AK7: variants seen among roughly 807,000 people sequenced by gnomAD.
AK7 encodes the protein ATP-AMP transphosphorylase 7.
A neutral mutation model predicts 96.6 loss-of-function variants in AK7; 78 were observed. That is an observed-to-expected ratio of 0.81 (90% CI 0.67 to 0.97). The LOEUF (loss-of-function observed/expected upper bound fraction) is 0.97. Ranked by LOEUF, AK7 falls within the 50% of genes least tolerant of loss-of-function variation. The pLI is 0.00. For synonymous variants in AK7, 302 were observed against 317.2 expected, an observed-to-expected ratio of 0.95 and a Z score of 0.51; for missense variants, 855 against 887.9, an observed-to-expected ratio of 0.96 and a Z score of 0.47.
At chr14:96,458,015 C>T in intron 11 of AK7, 68 bp from the exon 12 acceptor site, 1 of 1,576,266 alleles carries the variant, frequency 6.3e-7, no homozygotes, top group Middle Eastern at 2.4e-4. Context: ...GGATCACCTG[C>T]CAGCTGATTT....
chr14:96,432,845 A>AAG (rs1379109256), intron 5 of AK7, among the ~76,000 whole-genome samples: 4 of 143,436 alleles, frequency 2.8e-5, no homozygotes, highest in Non-Finnish European at 6.2e-5. Flanking sequence ...AAAAAAAAAA[A>AAG]TAGCCGGGCA....
intron 14 of AK7, among the ~76,000 whole-genome samples, chr14:96,474,396 C>T (rs934163356): frequency 6.7e-6 from 1 of 149,126 alleles, no homozygotes; most frequent in Non-Finnish European, 1.5e-5. Flanking sequence ...ATCTCTTGAG[C>T]TCAGGAGTTA....
In AK7 at chr14:96,486,955, A is replaced by C. The variant is rs539433185; in HGVS notation, c.2032A>C (p.Ile678Leu). 1.4e-5 allele frequency: 22 copies of C among 1,614,110 alleles called. 2 individuals carry two copies. The South Asian group carries it at 2.3e-4, about 17-fold the overall frequency. Residue 678 changes from isoleucine to leucine, a missense_variant, in exon 17 of 18, where the codon ATT (isoleucine) becomes CTT (leucine). Physicochemically the swap from Ile to Leu is conservative, Grantham distance 5 (BLOSUM62 2). Coordinates refer to ENST00000267584, the MANE Select transcript of AK7 (RefSeq NM_152327.5). The stretch of plus-strand genomic sequence containing the variant: ...AAGAGAATTACTGGAGGCTCAGTCA[A>C]TTCCCCTGAGAAACTATTTAATGAC... ...EERELLEAQS[I>L]PLRNYLMTYV...
chr14:96,467,041 A>G (rs1894605985), intron 12 of AK7, among the ~76,000 whole-genome samples: 1 of 103,812 alleles, frequency 9.6e-6, no homozygotes, highest in Non-Finnish European at 2.1e-5. Context: ...GTGTAGACGA[A>G]TATGTAAAAA....
At chr14:96,467,481 G>A (rs528849949) in intron 12 of AK7, among the ~76,000 whole-genome samples, 7 of 151,952 alleles carry the variant, frequency 4.6e-5, no homozygotes, top group South Asian at 4.2e-4. Flanking sequence ...GACTACAGGC[G>A]CACGCCACCA....
At chr14:96,443,924 C>G (rs367659677) in intron 7 of AK7, among the ~76,000 whole-genome samples, 193 of 152,056 alleles carry the variant, frequency 1.3e-3, no homozygotes, top group African/African-American at 4.5e-3. Context: ...CAGGCACCCG[C>G]CACCATGCCT....
intron 12 of AK7, among the ~76,000 whole-genome samples, chr14:96,459,633 G>A (rs1436639426): frequency 2.0e-5 from 3 of 151,936 alleles, no homozygotes; most frequent in Admixed American, 6.6e-5. Context: ...TGTAATCCCA[G>A]CACTTCGTGA....
chr14:96,408,151 A>G (rs1890832181), intron 3 of AK7, among the ~76,000 whole-genome samples: 1 of 152,172 alleles, frequency 6.6e-6, no homozygotes, highest in African/African-American at 2.4e-5. Context: ...CACACCCCGA[A>G]TTACTTCCTT....
intron 10 of AK7, among the ~76,000 whole-genome samples, chr14:96,455,125 C>T (rs1020256262): frequency 6.6e-6 from 1 of 152,070 alleles, no homozygotes; most frequent in Non-Finnish European, 1.5e-5. Flanking sequence ...CGAGATCATG[C>T]CATTGCACTC....
intron 12 of AK7, among the ~76,000 whole-genome samples, chr14:96,458,904 T>C (rs1894093151): frequency 8.8e-6 from 1 of 113,450 alleles, no homozygotes; most frequent in South Asian, 2.8e-4. Context: ...AGTAAGATCC[T>C]GTCTCAACAA....
At chr14:96,474,912 C>A (rs1177610214) in intron 14 of AK7, among the ~76,000 whole-genome samples, 2 of 152,218 alleles carry the variant, frequency 1.3e-5, no homozygotes, top group Non-Finnish European at 2.9e-5. Context: ...TTTACCCAAT[C>A]CAGAAGCTAA....
At chr14:96,483,760 A>T (rs930640317) in intron 16 of AK7, among the ~76,000 whole-genome samples, 3 of 152,236 alleles carry the variant, frequency 2.0e-5, no homozygotes, top group Middle Eastern at 3.2e-3. Flanking sequence ...AGCCATTAGC[A>T]GGTGTATTAG....
At position 96,486,261 on chromosome 14, in the gene AK7, C is replaced by T. The variant is rs138075233; in HGVS notation, c.1975-637C>T. 1.2e-3 allele frequency among the ~76,000 whole-genome samples: 178 copies of T among 152,296 alleles called. 4 individuals are homozygous for T. In the East Asian group the frequency reaches 0.028, roughly 24 times the overall value. On this transcript the variant is annotated intron_variant, in intron 16 of 17. Coordinates refer to ENST00000267584, the MANE Select transcript of AK7 (RefSeq NM_152327.5). ...TCTCTGTCCTGCCTTGCATGGGAGG[C>T]TTCATTCTTAGGTGCACCTACCATG... is the stretch of plus-strand genomic sequence containing the variant.
At position 96,476,493 on chromosome 14, in the gene AK7, G is replaced by A. The variant is rs146627621; in HGVS notation, c.1556-1972G>A. 3.3e-4 allele frequency among the ~76,000 whole-genome samples: 48 copies of A among 144,588 alleles called. No individual in the cohort carries two copies. In the East Asian group the frequency reaches 7.4e-3, roughly 22 times the overall value. 94.9% of individuals were successfully genotyped at this position (144,588 alleles called of 152,430 possible). On this transcript the variant is annotated intron_variant, in intron 14 of 17. Coordinates refer to ENST00000267584, the MANE Select transcript of AK7 (RefSeq NM_152327.5). Reference sequence around the variant, plus strand: ...GCACTCCAGCCTGGGGGACAAGAGCGAGACTTTGTCTCAAAAAAAAAAAAA... The same window carrying A: ...GCACTCCAGCCTGGGGGACAAGAGCAAGACTTTGTCTCAAAAAAAAAAAAA...
Position 96,401,633 on chromosome 14 carries a change from C to T in AK7, c.295-3124C>T, listed in dbSNP as rs534966812. On this transcript the variant is annotated intron_variant, in intron 2 of 17. Coordinates refer to ENST00000267584, the MANE Select transcript of AK7 (RefSeq NM_152327.5). ...AGGTGGGGGAGAGTGCTCGCTTCAG[C>T]GGCACATATGCTCAAATTGGAATGA... Among the ~76,000 whole-genome samples, 12 of 152,136 alleles carry T rather than the reference C, an allele frequency of 7.9e-5. No homozygotes were observed. The East Asian group carries it at 1.9e-3, about 25-fold the overall frequency.
intron 5 of AK7, among the ~76,000 whole-genome samples, chr14:96,425,093 G>A (rs1488529834): frequency 6.6e-6 from 1 of 152,074 alleles, no homozygotes; most frequent in Non-Finnish European, 1.5e-5. Flanking sequence ...TGGCCAATTT[G>A]GTCATCCCAA....
chr14:96,482,642 G>A (rs1895562009), intron 15 of AK7, among the ~76,000 whole-genome samples: 1 of 152,060 alleles, frequency 6.6e-6, no homozygotes, highest in African/African-American at 2.4e-5. Context: ...ACAAGTGCAG[G>A]ACTTCCTTCT....
At position 96,478,536 on chromosome 14, in the gene AK7, G is replaced by C. The variant is rs777585613; in HGVS notation, c.1627G>C (p.Val543Leu). ...TGTGATAAACCTTCCTGAGAGCATCGTGGCGGGGACCCACTACAGCCAAGA... is the reference window on the plus strand; with the variant it reads ...TGTGATAAACCTTCCTGAGAGCATCCTGGCGGGGACCCACTACAGCCAAGA... ...ERVINLPESI[V>L]AGTHYSQDRF... Residue 543 changes from valine to leucine, a missense_variant, in exon 15 of 18, where the codon GTG (valine) becomes CTG (leucine). Val to Leu is a conservative substitution (Grantham distance 32). Coordinates refer to ENST00000267584, the MANE Select transcript of AK7 (RefSeq NM_152327.5). 1.2e-6 allele frequency: 2 copies of C among 1,614,062 alleles called. No homozygotes were observed. Among genetic ancestry groups the C allele is most frequent in the East Asian group, 2.2e-5 (1 of 44,900 alleles).
chr14:96,487,007 G>A lies in AK7; in HGVS notation c.2084G>A (p.Gly695Asp). Residue 695 changes from glycine to aspartate, a missense_variant, in exon 17 of 18, where the codon GGC becomes GAC. Gly to Asp is a moderately conservative substitution (Grantham distance 94). Transcript: ENST00000267584. The part of the protein sequence containing the change: ...MTYVMPTLIQ[G>D]LNECCNVRPE... ...TATGTGATGCCAACTCTTATTCAGG[G>A]CCTGAATGAATGTTGCAACGTCCGA... 2 of 1,613,914 alleles carry A rather than the reference G, an allele frequency of 1.2e-6. No homozygotes were observed. Among genetic ancestry groups the A allele is most frequent in the Non-Finnish European group, 1.7e-6 (2 of 1,179,918 alleles).
Sources: gnomAD v4.1 joint callset for allele counts (sites outside exome capture counted in the v4.1 genomes callset) on GRCh38, gnomAD v4.1.1 for gene constraint, MANE v1.5 for transcripts, NCBI Gene and HGNC (gene_info 2026-07-23, HGNC 2026-07-21) for gene names.